The following ASIC5 variants were observed in gnomAD, a reference collection of about 807,000 sequenced individuals.
The protein encoded by ASIC5 is bile acid-sensitive ion channel.
In ASIC5, 52 loss-of-function variants were observed where a neutral mutation model predicts 51.2. The observed-to-expected ratio is 1.02, with a 90% CI of 0.81 to 1.28. The LOEUF is 1.28. Ranked by LOEUF, ASIC5 falls within the 50% of genes most tolerant of loss-of-function variation. The probability of loss-of-function intolerance (pLI) is 0.00; values close to 1 mark genes in which losing one functional copy is unlikely to be tolerated. For synonymous variants in ASIC5, 231 were observed against 200.7 expected (o/e 1.15, Z -1.28); for missense variants, 635 against 595.0 (o/e 1.07, Z -0.70).
At chr4:155,836,968 C>A in intron 7 of ASIC5, 111 bp from the exon 8 acceptor site, 5 of 773,974 alleles carry the variant, frequency 6.5e-6, no homozygotes, top group Non-Finnish European at 9.9e-6. Flanking sequence ...AAGGTGGTTA[C>A]CAACAACAAA....
At chr4:155,835,721 G>C (rs946108592) in intron 8 of ASIC5, among the ~76,000 whole-genome samples, 1 of 152,104 alleles carries the variant, frequency 6.6e-6, no homozygotes, top group African/African-American at 2.4e-5. Context: ...TTTACAGCCT[G>C]TTTATCACTT....
chr4:155,851,050 C>A (rs1206322874), intron 4 of ASIC5, among the ~76,000 whole-genome samples: 3 of 151,944 alleles, frequency 2.0e-5, no homozygotes, highest in South Asian at 4.1e-4. Context: ...CCTTTTGTAA[C>A]CCTCTAAGAA....
At chr4:155,850,264 T>C (rs1044929337) in intron 4 of ASIC5, among the ~76,000 whole-genome samples, 2 of 151,864 alleles carry the variant, frequency 1.3e-5, no homozygotes, top group African/African-American at 4.8e-5. Context: ...AATCAGAAAC[T>C]CAAAAAAAAT....
Position 155,841,979 on chromosome 4 carries a change from C to A in ASIC5, c.1009+228G>T, listed in dbSNP as rs1741129859. On this transcript the variant is annotated intron_variant, in intron 6 of 9. Coordinates refer to ENST00000537611, the MANE Select transcript of ASIC5 (RefSeq NM_017419.3). ...AAATTCAAAGAAATTTAGGACTAAA[C>A]TTCTGGTGACTTTGTTATTAGTTGT... 2.0e-5 allele frequency among the ~76,000 whole-genome samples: 3 copies of A among 152,240 alleles called. No individual in the cohort carries two copies. The South Asian group carries it at 6.2e-4, about 32-fold the overall frequency.
intron 4 of ASIC5, among the ~76,000 whole-genome samples, chr4:155,847,307 C>T (rs1741273430): frequency 6.6e-6 from 1 of 152,058 alleles, no homozygotes; most frequent in Admixed American, 6.6e-5. Context: ...GTCCTTGTGA[C>T]ATTAAGTTAC....
At chr4:155,865,658 A>G (rs767069184) in intron 1 of ASIC5, among the ~76,000 whole-genome samples, 1 of 141,088 alleles carries the variant, frequency 7.1e-6, no homozygotes, top group Non-Finnish European at 1.5e-5. Flanking sequence ...AGTAATACCA[A>G]CTATTTTCTA....
At chr4:155,864,275 T>C (rs568568472) in intron 1 of ASIC5, among the ~76,000 whole-genome samples, 1 of 152,294 alleles carries the variant, frequency 6.6e-6, no homozygotes, top group East Asian at 1.9e-4. Context: ...CTATTTTATA[T>C]TTTGTTGGTT....
At position 155,866,171 on chromosome 4, in the gene ASIC5, T is replaced by A. The variant is rs961209249; in HGVS notation, c.40+16A>T. 6.5e-7 allele frequency: 1 copy of A among 1,549,288 alleles called. No homozygotes were observed. Among genetic ancestry groups the A allele is most frequent in the Non-Finnish European group, 8.9e-7 (1 of 1,123,170 alleles). On this transcript the variant is annotated intron_variant, in intron 1 of 9. Transcript: ENST00000537611. ...TGAAAAATATTACTGCTCTGAGGAGTTCACTCTTTACTCACCGTTCTCAGC... is the reference window on the plus strand; with the variant it reads ...TGAAAAATATTACTGCTCTGAGGAGATCACTCTTTACTCACCGTTCTCAGC...
At chr4:155,854,476 C>T (rs923306087) in intron 2 of ASIC5, among the ~76,000 whole-genome samples, 162 bp from the exon 3 acceptor site, 4 of 151,940 alleles carry the variant, frequency 2.6e-5, no homozygotes, top group Admixed American at 2.6e-4. Context: ...AGTCTTTGAC[C>T]CATTGTGCAA....
rs1741320668 is a variant in ASIC5 at position 155,849,078 on chromosome 4, G to GAGAAACTGGTTATTTT, written c.711+3097_711+3112dup. On this transcript the variant is annotated intron_variant, in intron 4 of 9. Transcript: ENST00000537611. Reference sequence around the variant, plus strand: ...TTTCACTTGTAACAGGACACAATTGGAGAAACTGGTTATTTTACCAAGGCT... The same window carrying GAGAAACTGGTTATTTT: ...TTTCACTTGTAACAGGACACAATTGGAGAAACTGGTTATTTTAGAAACTGGTTATTTTACCAAGGCT... Among the ~76,000 whole-genome samples, 5 of 152,196 alleles carry GAGAAACTGGTTATTTT rather than the reference G, an allele frequency of 3.3e-5. No individual in the cohort carries two copies. The South Asian group carries it at 1.0e-3, about 32-fold the overall frequency.
chr4:155,862,542 AG>A (rs1339099503), intron 2 of ASIC5, among the ~76,000 whole-genome samples: 4 of 152,150 alleles, frequency 2.6e-5, no homozygotes, highest in African/African-American at 7.2e-5. Flanking sequence ...GCTTCACCAC[AG>A]GCAATTACAA....
chr4:155,846,939 G>T (rs1741258655), intron 4 of ASIC5, among the ~76,000 whole-genome samples: 1 of 151,706 alleles, frequency 6.6e-6, no homozygotes, highest in Non-Finnish European at 1.5e-5. Context: ...TATAAAACAA[G>T]GTAAGAAGAA....
At chr4:155,856,135 T>C (rs1367334971) in intron 2 of ASIC5, among the ~76,000 whole-genome samples, 1 of 152,072 alleles carries the variant, frequency 6.6e-6, no homozygotes, top group Non-Finnish European at 1.5e-5. Flanking sequence ...CTTTCTATAA[T>C]CTCAAGATGA....
At chr4:155,834,739 G>A (rs1181708307) in intron 8 of ASIC5, among the ~76,000 whole-genome samples, 1 of 152,034 alleles carries the variant, frequency 6.6e-6, no homozygotes, top group African/African-American at 2.4e-5. Flanking sequence ...CCAAAAAGTT[G>A]CCTTTTGGCC....
intron 6 of ASIC5, among the ~76,000 whole-genome samples, chr4:155,841,733 A>T (rs913295513): frequency 1.3e-5 from 2 of 152,128 alleles, no homozygotes; most frequent in East Asian, 3.8e-4. Flanking sequence ...GATATTTGAG[A>T]CCATCAAATT....
chr4:155,864,061 A>G (rs929138938), intron 1 of ASIC5, among the ~76,000 whole-genome samples: 1 of 152,186 alleles, frequency 6.6e-6, no homozygotes, highest in Non-Finnish European at 1.5e-5. Flanking sequence ...GGTTACAACA[A>G]TTCATAAACT....
chr4:155,839,733 A>AT (rs61381024), intron 6 of ASIC5, among the ~76,000 whole-genome samples: 15,133 of 151,842 alleles, frequency 0.1, 1,204 homozygotes, highest in African/African-American at 0.22. Flanking sequence ...AAAAAAAAAA[A>AT]CTACCTCCAA....
intron 8 of ASIC5, among the ~76,000 whole-genome samples, chr4:155,835,354 G>C (rs1006821833): frequency 6.7e-6 from 1 of 150,170 alleles, no homozygotes; most frequent in Non-Finnish European, 1.5e-5. Context: ...ACACCCTGTT[G>C]CACATTTTGC....
At chr4:155,844,528 C>A (rs949680964) in intron 4 of ASIC5, among the ~76,000 whole-genome samples, 17 of 152,032 alleles carry the variant, frequency 1.1e-4, no homozygotes, top group Non-Finnish European at 1.9e-4. Flanking sequence ...TTTCTGCTTA[C>A]ACTTAGAGCG....
Sources: gnomAD v4.1 joint callset for allele counts (sites outside exome capture counted in the v4.1 genomes callset) on GRCh38, gnomAD v4.1.1 for gene constraint, MANE v1.5 for transcripts, NCBI Gene and HGNC (gene_info 2026-07-23, HGNC 2026-07-21) for gene names.